LRIG3: variants seen among roughly 807,000 people sequenced by gnomAD.
LRIG3 encodes leucine-rich repeats and immunoglobulin-like domains protein 3.
In LRIG3, 76 loss-of-function variants were observed where a neutral mutation model predicts 114.5. That is an observed-to-expected ratio of 0.66 (90% CI 0.55 to 0.80). The LOEUF is 0.80. Among genes scored for constraint, LRIG3 ranks in the 30% least tolerant of loss-of-function variants. The probability of loss-of-function intolerance (pLI) is 0.00; values close to 1 mark genes in which losing one functional copy is unlikely to be tolerated. For synonymous variants in LRIG3, 512 were observed against 519.8 expected, an observed-to-expected ratio of 0.98 and a Z score of 0.20; for missense variants, 1,239 against 1,382.8, an observed-to-expected ratio of 0.90 and a Z score of 1.65.
At position 58,920,128 on chromosome 12, in the gene LRIG3, C is replaced by T. The variant is rs776217290; in HGVS notation, c.108G>A (p.Gly36=). Reference sequence around the variant, plus strand: ...GCTCGGCGGCTACCCCAGAGGGCTGCCCGAGTTCCCCGCGACCGCCGCTGT... The same window carrying T: ...GCTCGGCGGCTACCCCAGAGGGCTGTCCGAGTTCCCCGCGACCGCCGCTGT... ...RSDSGGRGEL[G]QPSGVAAERP... is the part of the protein sequence containing the mutation. The change falls in exon 1 of 19, where the codon GGG becomes GGA. Residue 36 remains glycine, a synonymous_variant. Coordinates refer to ENST00000320743, the MANE Select transcript of LRIG3 (RefSeq NM_153377.5). The T allele has an allele frequency of 1.9e-5, 30 of 1,545,596 alleles. No individual in the cohort carries two copies. The highest frequency in any genetic ancestry group is 1.4e-5 in the Non-Finnish European group (16 of 1,146,664).
chr12:58,906,237 T>A (rs1872060135), intron 3 of LRIG3, among the ~76,000 whole-genome samples: 1 of 152,196 alleles, frequency 6.6e-6, no homozygotes, highest in South Asian at 2.1e-4. Flanking sequence ...GAAAAACTGA[T>A]GACCACTTTT....
chr12:58,877,464 G>A lies in LRIG3; in HGVS notation c.2472C>T (p.Leu824=), dbSNP rs191179434. 46 of 1,614,156 alleles carry A rather than the reference G, an allele frequency of 2.8e-5. No individual in the cohort carries two copies. The Middle Eastern group carries it at 6.6e-4, about 23-fold the overall frequency. ...AVVCCVVGTS[L]VWVVIIYHTR... ...TGTGGTATATGATGACCACCCACAC[G>A]AGTGACGTGCCCACCACACAGCAAA... The change falls in exon 15 of 19, where the codon CTC becomes CTT. Residue 824 remains leucine, a synonymous_variant. Coordinates refer to ENST00000320743, the MANE Select transcript of LRIG3 (RefSeq NM_153377.5).
intron 1 of LRIG3, among the ~76,000 whole-genome samples, chr12:58,916,582 C>T (rs1218472802): frequency 6.6e-6 from 1 of 152,090 alleles, no homozygotes. Flanking sequence ...TTTTCTTAAA[C>T]CCAGATCATA....
intron 3 of LRIG3, among the ~76,000 whole-genome samples, chr12:58,903,733 A>C (rs1269746715): frequency 9.2e-5 from 14 of 151,816 alleles, no homozygotes; most frequent in Admixed American, 9.2e-4. Context: ...ATCTTGAATT[A>C]ATTTTTGTAT....
chr12:58,877,311 C>CA (rs1277953179), intron 15 of LRIG3, 89 bp downstream of exon 15: 2 of 1,341,534 alleles, frequency 1.5e-6, no homozygotes, highest in African/African-American at 2.9e-5. Context: ...GAGATGAACT[C>CA]AGACTGCAAG....
Position 58,880,718 on chromosome 12 carries a change from T to G in LRIG3, c.1664A>C (p.Gln555Pro). ...EMENYAHLRAQGGEVMEYTTI... is the reference protein window; with the variant it reads ...EMENYAHLRAPGGEVMEYTTI... ...GGTATACTCCATCACCTCGCCACCTTGGGCCCGGAGGTGTGCATAATTTTC... is the reference window on the plus strand; with the variant it reads ...GGTATACTCCATCACCTCGCCACCTGGGGCCCGGAGGTGTGCATAATTTTC... Residue 555 changes from glutamine to proline, a missense_variant, in exon 13 of 19, where the codon CAA becomes CCA. By Grantham distance (76) the Gln-to-Pro change is moderately conservative. Coordinates refer to ENST00000320743, the MANE Select transcript of LRIG3 (RefSeq NM_153377.5). 6.2e-7 allele frequency: 1 copy of G among 1,614,194 alleles called. No homozygotes were observed. The highest frequency in any genetic ancestry group is 8.5e-7 in the Non-Finnish European group (1 of 1,180,024).
intron 3 of LRIG3, among the ~76,000 whole-genome samples, chr12:58,902,181 T>C (rs1871877062): frequency 6.6e-6 from 1 of 152,168 alleles, no homozygotes; most frequent in African/African-American, 2.4e-5. Flanking sequence ...CATTCATCTT[T>C]GAAGAGTACT....
At chr12:58,910,405 C>T (rs759012689) in intron 3 of LRIG3, among the ~76,000 whole-genome samples, 1 of 151,984 alleles carries the variant, frequency 6.6e-6, no homozygotes, top group African/African-American at 2.4e-5. Context: ...GTCAGGAGAT[C>T]GAGACCGTCC....
chr12:58,882,763 A>G, intron 12 of LRIG3, 106 bp downstream of exon 12: 1 of 1,249,252 alleles, frequency 8.0e-7, no homozygotes. Flanking sequence ...AGCAGAAATA[A>G]AAGCTTTATA....
rs142647764 is a variant in LRIG3 at position 58,885,690 on chromosome 12, T to C, written c.1244+141A>G. ...GTAGACAGAGAAAGAAATAGAAAGA[T>C]AGGGAGATGTTTAAATATATTTTAT... On this transcript the variant is annotated intron_variant, in intron 10 of 18. Coordinates refer to ENST00000320743, the MANE Select transcript of LRIG3 (RefSeq NM_153377.5). 9.5e-4 allele frequency: 405 copies of C among 424,604 alleles called. 6 individuals are homozygous for C. Among genetic ancestry groups the C allele is most frequent in the African/African-American group, 7.5e-3 (371 of 49,356 alleles). The allele number at this position is 424,604 out of a possible 1,614,324, so 26.3% of individuals were successfully genotyped here.
chr12:58,919,661 T>A, intron 1 of LRIG3: 1 of 1,299,204 alleles, frequency 7.7e-7, no homozygotes, highest in Non-Finnish European at 1.0e-6. Context: ...TTATCTCCCC[T>A]GGGCCTGGCA....
intron 5 of LRIG3, 89 bp from the exon 6 acceptor site, chr12:58,889,051 CCAGT>C (rs1871368183): frequency 3.2e-6 from 4 of 1,250,190 alleles, no homozygotes; most frequent in Admixed American, 2.3e-5. Context: ...TATAGTTCAA[CCAGT>C]CAGTGTTCAA....
intron 3 of LRIG3, among the ~76,000 whole-genome samples, chr12:58,902,933 T>G (rs1350735810): frequency 1.3e-5 from 2 of 152,152 alleles, no homozygotes; most frequent in Non-Finnish European, 2.9e-5. Context: ...TATTCCATGG[T>G]GTATATGTGC....
chr12:58,879,078 A>C lies in LRIG3; in HGVS notation c.1829T>G (p.Met610Arg), dbSNP rs759189273. The change falls in exon 14 of 19, where the codon ATG becomes AGG. Residue 610 changes from methionine to arginine, a missense_variant. By Grantham distance (91) the Met-to-Arg change is moderately conservative. Coordinates refer to ENST00000320743, the MANE Select transcript of LRIG3 (RefSeq NM_153377.5). ...GGCCCCAGCTCGGATGGTGAGATCCATGGGGGTCTTGGTGAATGAGGGAAG... is the reference window on the plus strand; with the variant it reads ...GGCCCCAGCTCGGATGGTGAGATCCCTGGGGGTCTTGGTGAATGAGGGAAG... ...NMLPSFTKTP[M>R]DLTIRAGAMA... 5.0e-6 allele frequency: 8 copies of C among 1,613,134 alleles called. No homozygotes were observed. Among genetic ancestry groups the C allele is most frequent in the Non-Finnish European group, 1.7e-6 (2 of 1,179,336 alleles).
chr12:58,885,724 A>T (rs1871255140), intron 10 of LRIG3, 107 bp downstream of exon 10: 1 of 646,350 alleles, frequency 1.5e-6, no homozygotes, highest in Non-Finnish European at 2.5e-6. Flanking sequence ...ATGGAACCGG[A>T]AGGATGCCAA....
In LRIG3 at chr12:58,879,060, G is replaced by A; in HGVS notation, c.1847C>T (p.Ala616Val). ...ACACTCCAAGCGTGCCATGGCCCCAGCTCGGATGGTGAGATCCATGGGGGT... is the reference window on the plus strand; with the variant it reads ...ACACTCCAAGCGTGCCATGGCCCCAACTCGGATGGTGAGATCCATGGGGGT... ...TKTPMDLTIRAGAMARLECAA... is the reference protein window; with the variant it reads ...TKTPMDLTIRVGAMARLECAA... Residue 616 changes from alanine to valine, a missense_variant, in exon 14 of 19, where the codon GCT (alanine) becomes GTT (valine). By Grantham distance (64) the Ala-to-Val change is moderately conservative (BLOSUM62 0). Coordinates refer to ENST00000320743, the MANE Select transcript of LRIG3 (RefSeq NM_153377.5). The A allele has an allele frequency of 3.7e-6, 6 of 1,614,082 alleles. No homozygotes were observed. The highest frequency in any genetic ancestry group is 5.1e-6 in the Non-Finnish European group (6 of 1,179,962).
In LRIG3 at chr12:58,874,243, G is replaced by A; in HGVS notation, c.2927C>T (p.Pro976Leu). ...KKKECYPCSH[P>L]SEESCERSFS... ...GCTCCGTTCGCAGGATTCTTCTGAA[G>A]GATGAGAACATGGGTAGCACTCCTT... Residue 976 changes from proline to leucine, a missense_variant, in exon 18 of 19, where the codon CCT becomes CTT. Pro to Leu is a moderately conservative substitution (Grantham distance 98). Transcript: ENST00000320743. 1 of 1,614,206 alleles carries A rather than the reference G, an allele frequency of 6.2e-7. No individual in the cohort carries two copies. The highest frequency in any genetic ancestry group is 1.3e-5 in the African/African-American group (1 of 75,052).
chr12:58,886,661 CA>C, intron 9 of LRIG3, 148 bp downstream of exon 9: 1 of 564,228 alleles, frequency 1.8e-6, no homozygotes, highest in East Asian at 3.0e-5. Flanking sequence ...TGCGCAACAG[CA>C]GGCATTTGGG....
At chr12:58,888,763 A>T in intron 6 of LRIG3, 56 bp downstream of exon 6, 1 of 1,584,518 alleles carries the variant, frequency 6.3e-7, no homozygotes, top group South Asian at 1.2e-5. Flanking sequence ...CTGAATGTAC[A>T]CTGAGCATTC....
Sources: allele counts gnomAD v4.1 joint callset (sites outside exome capture counted in the v4.1 genomes callset), GRCh38; gene constraint gnomAD v4.1.1; transcripts MANE v1.5; gene names NCBI Gene and HGNC (gene_info 2026-07-23, HGNC 2026-07-21).